The following SCLT1 variants were observed in gnomAD, a reference collection of about 807,000 sequenced individuals.
SCLT1 encodes sodium channel-associated protein 1.
SCLT1 carries 78 observed loss-of-function variants against 112.8 expected under a neutral mutation model. That is an observed-to-expected ratio of 0.69 (90% CI 0.58 to 0.83). SCLT1 has a LOEUF of 0.83. SCLT1 is among the 40% of genes least tolerant of loss of function. The pLI is 0.00. For synonymous variants in SCLT1, 257 were observed against 254.7 expected (o/e 1.01, Z -0.09); for missense variants, 747 against 770.4 (o/e 0.97, Z 0.36).
chr4:129,049,193 C>T (rs576372601), intron 2 of SCLT1, among the ~76,000 whole-genome samples: 32 of 151,544 alleles, frequency 2.1e-4, no homozygotes, highest in African/African-American at 6.1e-4. Flanking sequence ...ATGTTTACTG[C>T]GGCATTATTC....
At chr4:129,054,880 T>C (rs1749207931) in intron 2 of SCLT1, among the ~76,000 whole-genome samples, 1 of 152,230 alleles carries the variant, frequency 6.6e-6, no homozygotes. Context: ...TTCCTCATCA[T>C]CATGGATTTA....
intron 2 of SCLT1, among the ~76,000 whole-genome samples, chr4:129,067,221 G>A (rs1054904175): frequency 2.0e-5 from 3 of 149,488 alleles, no homozygotes; most frequent in African/African-American, 7.4e-5. Flanking sequence ...ATTATCTTTT[G>A]TTTTTTTCTA....
exon 4 of SCLT1, chr4:128,876,559 A>AATC (rs1485550333): frequency 6.6e-6 from 1 of 152,234 alleles, no homozygotes; most frequent in East Asian, 1.9e-4. Flanking sequence ...TCAAGGTTGA[A>AATC]ATCTTCAATA....
chr4:128,933,960 A>G (rs1014874993), intron 18 of SCLT1, among the ~76,000 whole-genome samples: 1 of 152,032 alleles, frequency 6.6e-6, no homozygotes, highest in Non-Finnish European at 1.5e-5. Context: ...TCTAATTACT[A>G]TGTTTAATAT....
chr4:129,066,945 G>A lies in SCLT1; in HGVS notation c.102+15361C>T, dbSNP rs72926036. ...GAAGGAAACAGGTGAGGAAATAAGT[G>A]CATACAGAGATTCATTTATTTCTGC... On this transcript the variant is annotated intron_variant, in intron 2 of 20. Coordinates refer to ENST00000281142, the MANE Select transcript of SCLT1 (RefSeq NM_144643.4). 4.7e-3 allele frequency among the ~76,000 whole-genome samples: 717 copies of A among 152,170 alleles called. 4 individuals carry two copies. Among genetic ancestry groups the A allele is most frequent in the African/African-American group, 0.016 (657 of 41,538 alleles).
At chr4:128,918,581 C>T (rs1454772693) in intron 18 of SCLT1, among the ~76,000 whole-genome samples, 1 of 152,034 alleles carries the variant, frequency 6.6e-6, no homozygotes, top group Non-Finnish European at 1.5e-5. Context: ...CCTCCACATA[C>T]CAATATTAAC....
At chr4:129,032,398 C>T (rs990618683) in intron 5 of SCLT1, among the ~76,000 whole-genome samples, 4 of 152,080 alleles carry the variant, frequency 2.6e-5, no homozygotes, top group African/African-American at 9.6e-5. Flanking sequence ...AGAAGAAAAC[C>T]CAGGCAATAC....
chr4:128,953,690 T>A (rs1738964053), intron 13 of SCLT1, among the ~76,000 whole-genome samples: 1 of 150,510 alleles, frequency 6.6e-6, no homozygotes, highest in African/African-American at 2.4e-5. Context: ...TCCCAGCTAC[T>A]CGGGAGGCTA....
intron 5 of SCLT1, among the ~76,000 whole-genome samples, chr4:129,030,940 T>C (rs901106479): frequency 1.6e-4 from 25 of 152,064 alleles, no homozygotes; most frequent in African/African-American, 3.6e-4. Context: ...TTCCAAACAA[T>C]AGAGAAAGAG....
intron 18 of SCLT1, among the ~76,000 whole-genome samples, chr4:128,927,201 T>G (rs1475061551): frequency 2.0e-5 from 3 of 151,990 alleles, no homozygotes. Flanking sequence ...ATAACTAAAA[T>G]GACTGCATAT....
intron 9 of SCLT1, among the ~76,000 whole-genome samples, chr4:128,975,038 AAC>A (rs1429475017): frequency 3.1e-5 from 2 of 64,486 alleles, no homozygotes; most frequent in South Asian, 4.5e-4. Flanking sequence ...TTTGAATGAC[AAC>A]TTTTTTTTTT....
chr4:128,879,636 TAAATGCAA>T (rs1732596906), downstream of SCLT1, among the ~76,000 whole-genome samples: 1 of 152,180 alleles, frequency 6.6e-6, no homozygotes, highest in African/African-American at 2.4e-5. Flanking sequence ...TATGAGGTAA[TAAATGCAA>T]AATGTTAGCA....
At chr4:129,027,611 T>A (rs916041220) in intron 5 of SCLT1, among the ~76,000 whole-genome samples, 5 of 152,038 alleles carry the variant, frequency 3.3e-5, no homozygotes, top group Non-Finnish European at 5.9e-5. Flanking sequence ...CTTTGAAAAC[T>A]GGCACAAGAC....
chr4:129,025,933 A>G lies in SCLT1; in HGVS notation c.290+13108T>C, dbSNP rs566456985. ...TGATAAAACAGACTTTAAACCAACA[A>G]AGATCAAAAGAGACAAAGAAGGCCA... On this transcript the variant is annotated intron_variant, in intron 5 of 20. Transcript: ENST00000281142. Among the ~76,000 whole-genome samples the G allele has an allele frequency of 2.6e-5, 4 of 152,236 alleles. No individual in the cohort carries two copies. The South Asian group carries it at 8.3e-4, about 32-fold the overall frequency.
intron 5 of SCLT1, among the ~76,000 whole-genome samples, chr4:129,028,730 G>A (rs1746386425): frequency 1.3e-5 from 2 of 152,030 alleles, no homozygotes; most frequent in Admixed American, 1.3e-4. Context: ...TACCATCAGA[G>A]TGAACAGGCA....
chr4:129,075,380 C>T (rs1208200367), intron 2 of SCLT1, among the ~76,000 whole-genome samples: 4 of 152,012 alleles, frequency 2.6e-5, no homozygotes, highest in African/African-American at 4.8e-5. Context: ...TAAATGTTGA[C>T]GAACAGCATA....
intron 5 of SCLT1, among the ~76,000 whole-genome samples, chr4:129,024,754 C>A (rs1745866692): frequency 6.6e-6 from 1 of 152,094 alleles, no homozygotes; most frequent in Non-Finnish European, 1.5e-5. Context: ...CTACTCCGAG[C>A]TACAGGAGGA....
chr4:128,909,098 C>G (rs936289658), intron 18 of SCLT1, among the ~76,000 whole-genome samples: 2 of 152,122 alleles, frequency 1.3e-5, no homozygotes, highest in Non-Finnish European at 2.9e-5. Context: ...GGTCTTTGAA[C>G]TAGCTGTTCT....
intron 18 of SCLT1, among the ~76,000 whole-genome samples, chr4:128,900,989 C>A (rs178534): frequency 0.73 from 110,265 of 151,634 alleles, 40,408 homozygotes; most frequent in African/African-American, 0.82. Flanking sequence ...ATCTCACACC[C>A]GTTAGAATGG....
Sources: gnomAD v4.1 joint callset for allele counts (sites outside exome capture counted in the v4.1 genomes callset) on GRCh38, gnomAD v4.1.1 for gene constraint, MANE v1.5 for transcripts, NCBI Gene and HGNC (gene_info 2026-07-23, HGNC 2026-07-21) for gene names.